Variants in ME3 observed in about 807,000 individuals in gnomAD.
ME3 encodes malic enzyme 3.
A neutral mutation model predicts 68.9 loss-of-function variants in ME3; 48 were observed. That is an observed-to-expected ratio of 0.70 (90% CI 0.55 to 0.89). The LOEUF is 0.89. ME3 is among the 40% of genes least tolerant of loss of function. ME3 has a pLI of 0.00. For missense variants in ME3, 675 were observed against 797.4 expected, an observed-to-expected ratio of 0.85 and a Z score of 1.85; for synonymous variants, 320 against 318.8, an observed-to-expected ratio of 1.00 and a Z score of -0.04.
In ME3 at chr11:86,614,508, C is replaced by G. The variant is rs188265001; in HGVS notation, c.184-54685G>C. Reference sequence around the variant, plus strand: ...ACTGAGGACCTGTTTTCCTTTCTGTCTGGGCTCTCAATGGATCAAACAGAC... The same window carrying G: ...ACTGAGGACCTGTTTTCCTTTCTGTGTGGGCTCTCAATGGATCAAACAGAC... On this transcript the variant is annotated intron_variant, in intron 2 of 14. Transcript: ENST00000543262. Among the ~76,000 whole-genome samples the G allele has an allele frequency of 7.2e-4, 109 of 152,244 alleles. No homozygotes were observed. In the Middle Eastern group the frequency reaches 0.01, roughly 14 times the overall value.
At chr11:86,561,116 G>A (rs1247408876) in intron 2 of ME3, among the ~76,000 whole-genome samples, 1 of 152,100 alleles carries the variant, frequency 6.6e-6, no homozygotes, top group Non-Finnish European at 1.5e-5. Context: ...CCACTGTAAA[G>A]TTACTCCTAG....
At chr11:86,480,558 G>C (rs1186729874) in intron 7 of ME3, among the ~76,000 whole-genome samples, 1 of 152,154 alleles carries the variant, frequency 6.6e-6, no homozygotes, top group African/African-American at 2.4e-5. Flanking sequence ...TCCCAAGCAG[G>C]CCGTTTCACT....
chr11:86,632,748 G>A (rs911774726), intron 2 of ME3, among the ~76,000 whole-genome samples: 2 of 152,194 alleles, frequency 1.3e-5, no homozygotes, highest in African/African-American at 4.8e-5. Context: ...GGTGGGCCCA[G>A]GTGCAGTGAG....
intron 4 of ME3, among the ~76,000 whole-genome samples, chr11:86,511,724 A>G (rs115666569): frequency 0.011 from 1,676 of 152,296 alleles, 36 homozygotes; most frequent in African/African-American, 0.037. Context: ...CATAGTTTCT[A>G]TAATCCCTTA....
intron 4 of ME3, among the ~76,000 whole-genome samples, chr11:86,549,853 T>A (rs1381269004): frequency 1.3e-5 from 2 of 152,172 alleles, no homozygotes; most frequent in Non-Finnish European, 2.9e-5. Context: ...GTGGTGGGGC[T>A]GAACAATTTG....
At chr11:86,562,939 T>C (rs1428470985) in intron 2 of ME3, among the ~76,000 whole-genome samples, 1 of 152,166 alleles carries the variant, frequency 6.6e-6, no homozygotes, top group South Asian at 2.1e-4. Context: ...TTTCTGTTCC[T>C]GCATTAATTC....
chr11:86,482,845 C>A (rs183494713), intron 7 of ME3, among the ~76,000 whole-genome samples: 217 of 152,208 alleles, frequency 1.4e-3, no homozygotes, highest in African/African-American at 4.9e-3. Context: ...GCTAGTTAGC[C>A]AGCTGAAAGC....
At chr11:86,480,744 C>T (rs1272518869) in intron 7 of ME3, among the ~76,000 whole-genome samples, 2 of 152,150 alleles carry the variant, frequency 1.3e-5, no homozygotes, top group Non-Finnish European at 2.9e-5. Flanking sequence ...AGCTGAAGTT[C>T]CTCAGGGCAA....
intron 2 of ME3, among the ~76,000 whole-genome samples, chr11:86,567,229 GAAAGA>G (rs1478306973): frequency 2.9e-5 from 3 of 103,822 alleles, no homozygotes; most frequent in South Asian, 6.4e-4. Context: ...AAGAAAGAAA[GAAAGA>G]AAAGAAAGAA....
At chr11:86,447,817 C>G (rs1387311749) in intron 11 of ME3, among the ~76,000 whole-genome samples, 2 of 145,966 alleles carry the variant, frequency 1.4e-5, no homozygotes, top group Non-Finnish European at 3.0e-5. Context: ...GAGATCACAC[C>G]ACTGCACTCC....
downstream of ME3, among the ~76,000 whole-genome samples, chr11:86,440,015 A>G (rs767384778): frequency 6.6e-6 from 1 of 152,180 alleles, no homozygotes; most frequent in Non-Finnish European, 1.5e-5. Flanking sequence ...CAGTTCTTGG[A>G]AGAATAAGAC....
At chr11:86,581,832 A>ATT (rs1958459335) in intron 2 of ME3, among the ~76,000 whole-genome samples, 1 of 152,188 alleles carries the variant, frequency 6.6e-6, no homozygotes, top group Admixed American at 6.5e-5. Context: ...CAAGTCATTA[A>ATT]TAAGTTCAGT....
At chr11:86,538,716 C>T (rs10444375) in intron 4 of ME3, among the ~76,000 whole-genome samples, 2 of 152,142 alleles carry the variant, frequency 1.3e-5, no homozygotes, top group Admixed American at 6.6e-5. Context: ...CCTCTTTAGT[C>T]CTCTTGAGAA....
intron 4 of ME3, among the ~76,000 whole-genome samples, chr11:86,510,944 T>G (rs1011765160): frequency 6.6e-6 from 1 of 152,198 alleles, no homozygotes; most frequent in Non-Finnish European, 1.5e-5. Flanking sequence ...CCTACTCCCT[T>G]TCTCAGTGAA....
intron 4 of ME3, among the ~76,000 whole-genome samples, chr11:86,524,520 C>T (rs766632653): frequency 2.6e-5 from 4 of 152,124 alleles, no homozygotes; most frequent in Non-Finnish European, 5.9e-5. Flanking sequence ...CAAGAAAAAG[C>T]TGAAATTGTA....
chr11:86,446,525 T>A (rs761317337), intron 12 of ME3, 38 bp from the exon 13 acceptor site: 2 of 1,607,114 alleles, frequency 1.2e-6, no homozygotes, highest in South Asian at 2.2e-5. Context: ...AACTTGGAGA[T>A]TGGTTTGGGG....
chr11:86,589,597 G>A (rs1157726206), intron 2 of ME3, among the ~76,000 whole-genome samples: 1 of 152,186 alleles, frequency 6.6e-6, no homozygotes, highest in African/African-American at 2.4e-5. Context: ...ATCTGTCTTA[G>A]ACATTGGTCT....
chr11:86,615,426 A>G lies in ME3; in HGVS notation c.184-55603T>C, dbSNP rs181569549. ...TTATTCCCATTTTATGGATGAAGAA[A>G]TGGAGAAACAGAGAATTAAGTTACC... On this transcript the variant is annotated intron_variant, in intron 2 of 14. Transcript: ENST00000543262. Among the ~76,000 whole-genome samples, 3 of 152,328 alleles carry G rather than the reference A, an allele frequency of 2.0e-5. No homozygotes were observed. In the East Asian group the frequency reaches 5.8e-4, roughly 29 times the overall value.
chr11:86,648,293 A>T (rs656307), intron 2 of ME3, among the ~76,000 whole-genome samples: 106,436 of 152,052 alleles, frequency 0.7, 38,422 homozygotes, highest in Non-Finnish European at 0.8. Flanking sequence ...CAAAGAGACA[A>T]TGTACCACAA....
Sources: allele counts gnomAD v4.1 joint callset (sites outside exome capture counted in the v4.1 genomes callset), GRCh38; gene constraint gnomAD v4.1.1; transcripts MANE v1.5; gene names NCBI Gene and HGNC (gene_info 2026-07-23, HGNC 2026-07-21).